The following LRRC37A2 variants were observed in gnomAD, a reference collection of about 807,000 sequenced individuals.
LRRC37A2 encodes leucine-rich repeat-containing protein 37A2.
Under a neutral mutation model 68.8 loss-of-function variants are expected in LRRC37A2, and 9 were observed. That is an observed-to-expected ratio of 0.13 (90% CI 0.08 to 0.23). The LOEUF is 0.23. Among genes scored for constraint, LRRC37A2 ranks in the 10% least tolerant of loss-of-function variants. LRRC37A2 has a pLI of 1.00. For synonymous variants in LRRC37A2, 63 were observed against 367.6 expected (o/e 0.17, Z 9.48); for missense variants, 168 against 950.4 (o/e 0.18, Z 10.82).
chr17:46,856,280 A>C, the LRRC37A2 span, among the ~76,000 whole-genome samples: 9 of 152,234 alleles, frequency 5.9e-5, no homozygotes, highest in African/African-American at 2.2e-4. Flanking sequence ...GGCTTAATTG[A>C]AACAATGAAT....
the LRRC37A2 span, among the ~76,000 whole-genome samples, chr17:46,996,366 G>A: frequency 3.9e-5 from 6 of 152,202 alleles, no homozygotes; most frequent in African/African-American, 1.4e-4. Flanking sequence ...AGAACATCAG[G>A]CCCAACCAGC....
the LRRC37A2 span, among the ~76,000 whole-genome samples, chr17:47,000,540 T>C: frequency 7.2e-5 from 11 of 152,046 alleles, no homozygotes; most frequent in Non-Finnish European, 1.2e-4. Context: ...GGCCCACGAT[T>C]ACTTTTTTGG....
At chr17:46,995,466 T>C in the LRRC37A2 span, among the ~76,000 whole-genome samples, 2 of 152,162 alleles carry the variant, frequency 1.3e-5, no homozygotes, top group African/African-American at 4.8e-5. Context: ...GGCATGGCCA[T>C]GTAACTCAGT....
the LRRC37A2 span, among the ~76,000 whole-genome samples, chr17:47,003,025 T>C: frequency 3.9e-5 from 6 of 151,982 alleles, no homozygotes; most frequent in Admixed American, 3.9e-4. Flanking sequence ...GTGGATCACT[T>C]GAGGCCAGGA....
chr17:46,755,231 C>A, the LRRC37A2 span: 1 of 1,034,374 alleles, frequency 9.7e-7, no homozygotes, highest in Non-Finnish European at 1.5e-6. Flanking sequence ...AAGTGTGAAA[C>A]CGAACACTGC....
the LRRC37A2 span, among the ~76,000 whole-genome samples, chr17:46,736,489 T>A: frequency 3.9e-5 from 6 of 152,254 alleles, no homozygotes; most frequent in African/African-American, 1.4e-4. Context: ...GCCCTGGCCC[T>A]CCCTCTACTC....
At chr17:46,781,301 C>G in the LRRC37A2 span, among the ~76,000 whole-genome samples, 1 of 150,770 alleles carries the variant, frequency 6.6e-6, no homozygotes, top group African/African-American at 2.4e-5. Flanking sequence ...AACTTGAAAA[C>G]AAGCTAAGCG....
the LRRC37A2 span, among the ~76,000 whole-genome samples, chr17:46,610,025 CTT>C: frequency 5.3e-4 from 43 of 81,466 alleles, 3 homozygotes; most frequent in South Asian, 9.5e-4. Flanking sequence ...TTCTTTCTTT[CTT>C]TCTCTCTCTC....
At chr17:46,609,791 C>T in the LRRC37A2 span, among the ~76,000 whole-genome samples, 1 of 141,278 alleles carries the variant, frequency 7.1e-6, no homozygotes, top group South Asian at 2.2e-4. Context: ...GTGCAGTTTA[C>T]TAGATCTTCT....
chr17:46,753,816 G>A, the LRRC37A2 span, among the ~76,000 whole-genome samples: 2 of 152,180 alleles, frequency 1.3e-5, no homozygotes, highest in African/African-American at 4.8e-5. Context: ...ATGTCAAATG[G>A]ATTTCGTGCA....
chr17:46,793,548 T>C, the LRRC37A2 span, among the ~76,000 whole-genome samples: 1 of 152,122 alleles, frequency 6.6e-6, no homozygotes, highest in African/African-American at 2.4e-5. Context: ...GCCCAAGGCA[T>C]TGCAGGAGGA....
At chr17:47,025,653 G>C in the LRRC37A2 span, among the ~76,000 whole-genome samples, 1 of 147,076 alleles carries the variant, frequency 6.8e-6, no homozygotes, top group Non-Finnish European at 1.5e-5. Context: ...TTAGAGACAA[G>C]AAGATACTAT....
the LRRC37A2 span, among the ~76,000 whole-genome samples, chr17:46,819,718 G>A: frequency 6.6e-6 from 1 of 152,208 alleles, no homozygotes; most frequent in African/African-American, 2.4e-5. This position sits in a 1 kb window ranked among gnomAD's most constrained non-coding sequence, Gnocchi z 5.3. Flanking sequence ...TGCCCTGTGC[G>A]GACACCAAAT....
At chr17:46,842,181 G>A in the LRRC37A2 span, among the ~76,000 whole-genome samples, 45 of 152,228 alleles carry the variant, frequency 3.0e-4, no homozygotes, top group Non-Finnish European at 6.2e-4. Flanking sequence ...CCTTGGGCAG[G>A]CCACTTCGCC....
At chr17:46,626,035 T>C in the LRRC37A2 span, among the ~76,000 whole-genome samples, 1 of 148,924 alleles carries the variant, frequency 6.7e-6, no homozygotes, top group South Asian at 2.1e-4. Flanking sequence ...GAACAGGGAA[T>C]TAGCACAAAA....
the LRRC37A2 span, among the ~76,000 whole-genome samples, chr17:46,973,399 G>C: frequency 2.0e-5 from 3 of 152,062 alleles, no homozygotes; most frequent in Non-Finnish European, 4.4e-5. Context: ...GTGGGCTCAA[G>C]TGATTCGCCC....
At chr17:46,744,039 G>A in the LRRC37A2 span, among the ~76,000 whole-genome samples, 1 of 152,096 alleles carries the variant, frequency 6.6e-6, no homozygotes, top group African/African-American at 2.4e-5. Context: ...TGTCTTTGCA[G>A]TACTACGGAT....
the LRRC37A2 span, among the ~76,000 whole-genome samples, chr17:47,005,365 T>C: frequency 6.6e-6 from 1 of 152,224 alleles, no homozygotes; most frequent in Admixed American, 6.5e-5. Context: ...CGAAAGTCTT[T>C]TGTTTTGATT....
chr17:46,776,771 C>T, the LRRC37A2 span, among the ~76,000 whole-genome samples: 7 of 152,130 alleles, frequency 4.6e-5, no homozygotes, highest in Admixed American at 1.3e-4. Context: ...TGGGCTGTCC[C>T]CGCTCCTTCC....
Sources: allele counts gnomAD v4.1 joint callset (sites outside exome capture counted in the v4.1 genomes callset), GRCh38; gene constraint gnomAD v4.1.1; non-coding constraint Gnocchi (gnomAD v3.1); transcripts MANE v1.5; gene names NCBI Gene and HGNC (gene_info 2026-07-23, HGNC 2026-07-21).